TACC2: variants seen among roughly 807,000 people sequenced by gnomAD.
TACC2 encodes transforming acidic coiled-coil containing protein 2, also known as transforming acidic coiled-coil-containing protein 2.
Under a neutral mutation model 227.3 loss-of-function variants are expected in TACC2, and 137 were observed. The ratio of observed to expected loss-of-function variants is 0.60; its 90% CI spans 0.52 to 0.69. The LOEUF is 0.69. Ranked by LOEUF, TACC2 falls within the 30% of genes least tolerant of loss-of-function variation. The pLI is 0.00. For missense variants in TACC2, 3,470 were observed against 3,694.4 expected, an observed-to-expected ratio of 0.94 and a Z score of 1.57; for synonymous variants, 1,523 against 1,487.5, an observed-to-expected ratio of 1.02 and a Z score of -0.55.
intron 5 of TACC2, among the ~76,000 whole-genome samples, chr10:122,092,604 T>C (rs967235139): frequency 2.3e-4 from 35 of 152,204 alleles, no homozygotes. Flanking sequence ...AGCATAAATT[T>C]GTTTACTGCT....
intron 8 of TACC2, among the ~76,000 whole-genome samples, chr10:122,204,829 A>G (rs79150109): frequency 3.2e-5 from 4 of 123,410 alleles, no homozygotes; most frequent in Non-Finnish European, 6.1e-5. Context: ...TGGCTCTTCA[A>G]AAAAAAAAAA....
At chr10:122,101,723 C>CA (rs1406812091) in intron 5 of TACC2, among the ~76,000 whole-genome samples, 5 of 55,736 alleles carry the variant, frequency 9.0e-5, no homozygotes, top group Non-Finnish European at 1.2e-4. Context: ...CCATGCCCAG[C>CA]TTTTTTTTTT....
chr10:122,011,774 A>T (rs1955957807), intron 1 of TACC2, among the ~76,000 whole-genome samples: 1 of 152,210 alleles, frequency 6.6e-6, no homozygotes, highest in Non-Finnish European at 1.5e-5. Flanking sequence ...GAACCAATGA[A>T]TGGAGTGAAC....
rs1420725218 is a variant in TACC2, at chr10:122,061,310, G to A, written c.146+10760G>A. ...CAAAAAAAAAAAAAAAAAAAAAGGA[G>A]GGAGAAAAGAATCGAGGAAGATTCC... On this transcript the variant is annotated intron_variant, in intron 3 of 22. Transcript: ENST00000369005. 4.0e-5 allele frequency among the ~76,000 whole-genome samples: 6 copies of A among 150,726 alleles called. No individual in the cohort carries two copies. In the South Asian group the frequency reaches 1.0e-3, roughly 26 times the overall value.
intron 7 of TACC2, among the ~76,000 whole-genome samples, chr10:122,164,424 G>A (rs886152024): frequency 3.3e-5 from 5 of 152,238 alleles, no homozygotes; most frequent in African/African-American, 1.2e-4. Context: ...GGCAGATGGC[G>A]TGGTGCGCTC....
intron 7 of TACC2, among the ~76,000 whole-genome samples, chr10:122,176,117 CTATATATA>C (rs35172894): frequency 0.032 from 1,734 of 54,414 alleles, 30 homozygotes; most frequent in Middle Eastern, 0.054. Flanking sequence ...CTCTCTCTCT[CTATATATA>C]TATATATATA....
At chr10:122,130,357 C>G (rs1592360203) in intron 5 of TACC2, among the ~76,000 whole-genome samples, 1 of 152,252 alleles carries the variant, frequency 6.6e-6, no homozygotes, top group Non-Finnish European at 1.5e-5. Context: ...CTCTAGAATA[C>G]CAAGCTCCTT....
chr10:121,992,860 C>T (rs995839628), intron 1 of TACC2, among the ~76,000 whole-genome samples: 7 of 151,520 alleles, frequency 4.6e-5, no homozygotes, highest in Non-Finnish European at 1.0e-4. Context: ...GAGGCTGAGG[C>T]AGGAGAATTG....
At chr10:122,101,890 AAAAAAAG>A (rs2082208049) in intron 5 of TACC2, among the ~76,000 whole-genome samples, 5 of 151,326 alleles carry the variant, frequency 3.3e-5, no homozygotes, top group Admixed American at 3.3e-4. Flanking sequence ...CCTTTTTTTA[AAAAAAAG>A]AAAAAAGAAA....
Position 122,085,428 on chromosome 10 carries a change from G to A in TACC2, c.2928G>A (p.Gly976=). The change falls in exon 4 of 23, where the codon GGG becomes GGA. Residue 976 remains glycine, a synonymous_variant. Transcript: ENST00000369005. ...TCTTAAAAGACTTTTCTCTTGCAGG[G>A]AACTTCAGCAGAAAGGAAACTTGCT... The part of the protein sequence containing the change: ...ADVLKDFSLA[G]NFSRKETCCT... 6.2e-7 allele frequency: 1 copy of A among 1,613,894 alleles called. No homozygotes were observed. The highest frequency in any genetic ancestry group is 8.5e-7 in the Non-Finnish European group (1 of 1,180,048).
chr10:121,997,493 C>G (rs1335900944), intron 1 of TACC2, among the ~76,000 whole-genome samples: 1 of 152,176 alleles, frequency 6.6e-6, no homozygotes, highest in Non-Finnish European at 1.5e-5. Flanking sequence ...CCAGAATCTA[C>G]CCTTAGTCCA....
chr10:122,101,812 T>C (rs2082196112), intron 5 of TACC2, among the ~76,000 whole-genome samples: 1 of 148,164 alleles, frequency 6.7e-6, no homozygotes, highest in African/African-American at 2.5e-5. Flanking sequence ...GACCTTGTGA[T>C]CTGCCTGCCT....
At position 122,084,161 on chromosome 10, in the gene TACC2, A is replaced by G. The variant is rs201967564; in HGVS notation, c.1661A>G (p.Lys554Arg). 3.7e-6 allele frequency: 6 copies of G among 1,614,106 alleles called. No individual in the cohort carries two copies. The East Asian group carries it at 8.9e-5, about 24-fold the overall frequency. ...RGPPGPTDGA[K>R]VHEDSTSPAV... The stretch of plus-strand genomic sequence containing the variant: ...CCACCGGGGCCAACGGATGGAGCCA[A>G]GGTCCATGAAGATTCCACAAGCCCA... Residue 554 changes from lysine to arginine, a missense_variant, in exon 4 of 23, where the codon AAG (lysine) becomes AGG (arginine). Transcript: ENST00000369005.
At chr10:122,063,333 G>A (rs77690187) in intron 3 of TACC2, among the ~76,000 whole-genome samples, 5,170 of 152,264 alleles carry the variant, frequency 0.034, 268 homozygotes, top group African/African-American at 0.11. Context: ...GGTGTGTCGG[G>A]CAGAGCGCAG....
chr10:122,160,096 T>C (rs956783147), intron 7 of TACC2, among the ~76,000 whole-genome samples: 1 of 152,222 alleles, frequency 6.6e-6, no homozygotes, highest in Non-Finnish European at 1.5e-5. Context: ...CACAAAGTAA[T>C]GTGAGAATAA....
At chr10:122,024,155 T>A (rs1313352730) in intron 2 of TACC2, among the ~76,000 whole-genome samples, 2 of 152,046 alleles carry the variant, frequency 1.3e-5, no homozygotes, top group Admixed American at 6.6e-5. Flanking sequence ...ATAGCTTCAG[T>A]CCTGGAGTTG....
rs1378087580 is a variant in TACC2 at position 122,085,581 on chromosome 10, C to T, written c.3081C>T (p.Leu1027=). ...AAGCAGCTGATGGTTGTTCCCCACT[C>T]TGGGGCTTGAGTAAGAGGGAGATGG... The part of the protein sequence containing the change: ...ASEAADGCSP[L]WGLSKREMAS... The change falls in exon 4 of 23, where the codon CTC becomes CTT. Residue 1027 remains leucine (L), a synonymous_variant. Coordinates refer to ENST00000369005, the MANE Select transcript of TACC2 (RefSeq NM_206862.4). 6 of 1,613,294 alleles carry T rather than the reference C, an allele frequency of 3.7e-6. No homozygotes were observed. The highest frequency in any genetic ancestry group is 5.1e-6 in the Non-Finnish European group (6 of 1,180,038).
Position 122,211,104 on chromosome 10 carries a change from C to G in TACC2, c.6679C>G (p.Pro2227Ala). Residue 2227 changes from proline (P) to alanine (A), a missense_variant, in exon 9 of 23, where the codon CCC (proline) becomes GCC (alanine). Pro to Ala is a conservative substitution (Grantham distance 27). Coordinates refer to ENST00000369005, the MANE Select transcript of TACC2 (RefSeq NM_206862.4). ...ASGGGRVQNSPPVGRKTLPLT... is the reference protein window; with the variant it reads ...ASGGGRVQNSAPVGRKTLPLT... ...TGGAGGTGGCAGAGTGCAGAACTCA[C>G]CCCCTGTCGGGAGGAAAACGCTGCC... The G allele has an allele frequency of 1.2e-6, 2 of 1,611,846 alleles. No homozygotes were observed. The highest frequency in any genetic ancestry group is 1.1e-5 in the South Asian group (1 of 90,624).
intron 7 of TACC2, among the ~76,000 whole-genome samples, chr10:122,185,933 C>T (rs2094171688): frequency 6.6e-6 from 1 of 152,020 alleles, no homozygotes; most frequent in African/African-American, 2.4e-5. Context: ...ACTCATTTTC[C>T]TTTCTTCCTT....
Sources: allele counts gnomAD v4.1 joint callset (sites outside exome capture counted in the v4.1 genomes callset), GRCh38; gene constraint gnomAD v4.1.1; transcripts MANE v1.5; gene names NCBI Gene and HGNC (gene_info 2026-07-23, HGNC 2026-07-21).